The following CD44 variants were observed in gnomAD, a reference collection of about 807,000 sequenced individuals.
CD44 encodes the protein CD44 molecule (IN blood group).
CD44 carries 49 observed loss-of-function variants against 88.8 expected under a neutral mutation model. The ratio of observed to expected loss-of-function variants is 0.55; its 90% CI spans 0.44 to 0.70. The LOEUF (loss-of-function observed/expected upper bound fraction) is 0.70. CD44 is among the 30% of genes least tolerant of loss of function. The pLI is 0.00. For missense variants in CD44, 883 were observed against 913.8 expected (o/e 0.97, Z 0.43); for synonymous variants, 325 against 312.3 (o/e 1.04, Z -0.43).
chr11:35,140,357 G>A (rs771549475), intron 1 of CD44, among the ~76,000 whole-genome samples: 2 of 152,122 alleles, frequency 1.3e-5, no homozygotes, highest in African/African-American at 2.4e-5. Context: ...GCTTATCGCT[G>A]GCCAAAATTA....
intron 9 of CD44, among the ~76,000 whole-genome samples, chr11:35,202,348 G>T (rs1947396498): frequency 1.3e-5 from 2 of 152,210 alleles, no homozygotes; most frequent in East Asian, 3.9e-4. Context: ...CTTGGGGAAG[G>T]CTTTGATGCT....
chr11:35,205,771 A>G (rs1010080913), intron 10 of CD44: 22 of 997,192 alleles, frequency 2.2e-5, no homozygotes, highest in Admixed American at 1.2e-4. Flanking sequence ...GGGCTTTTAT[A>G]CTTCTGCCTT....
At chr11:35,186,472 T>C (rs1326064747) in intron 3 of CD44, among the ~76,000 whole-genome samples, 3 of 152,250 alleles carry the variant, frequency 2.0e-5, no homozygotes, top group African/African-American at 7.2e-5. Flanking sequence ...TAATCACAAA[T>C]TTTAAAAATC....
chr11:35,154,035 G>A (rs1252410318), intron 1 of CD44, among the ~76,000 whole-genome samples: 2 of 152,162 alleles, frequency 1.3e-5, no homozygotes, highest in Non-Finnish European at 2.9e-5. Context: ...AGCTGACTCA[G>A]GATTTTAGAA....
intron 3 of CD44, among the ~76,000 whole-genome samples, chr11:35,185,063 A>G (rs1475742534): frequency 6.6e-6 from 1 of 152,222 alleles, no homozygotes; most frequent in Non-Finnish European, 1.5e-5. Flanking sequence ...GGCAGGTAGC[A>G]GAAGGCAGAG....
intron 5 of CD44, among the ~76,000 whole-genome samples, chr11:35,191,320 A>G (rs1295266069): frequency 6.6e-6 from 1 of 152,236 alleles, no homozygotes; most frequent in Admixed American, 6.5e-5. Flanking sequence ...AGGGCATGAT[A>G]CAAATAGGCT....
intron 4 of CD44, among the ~76,000 whole-genome samples, 180 bp downstream of exon 4, chr11:35,187,080 C>T (rs1212839107): frequency 6.6e-6 from 1 of 151,966 alleles, no homozygotes; most frequent in African/African-American, 2.4e-5. Context: ...TGAGACCAGC[C>T]TGAACAATAT....
At position 35,207,744 on chromosome 11, in the gene CD44, G is replaced by A. The variant is rs1420656442; in HGVS notation, c.1415-361G>A. On this transcript the variant is annotated intron_variant, in intron 11 of 17. Transcript: ENST00000428726. The stretch of plus-strand genomic sequence containing the variant: ...AGGGGATAAAATGGTGCCTGAGCCA[G>A]CACACTTTGTCTTTTCTCCATGTGT... Among the ~76,000 whole-genome samples the A allele has an allele frequency of 2.0e-5, 3 of 152,264 alleles. No homozygotes were observed. The East Asian group carries it at 5.8e-4, about 29-fold the overall frequency.
At chr11:35,154,382 C>T (rs985556196) in intron 1 of CD44, among the ~76,000 whole-genome samples, 2 of 152,168 alleles carry the variant, frequency 1.3e-5, no homozygotes, top group African/African-American at 4.8e-5. Context: ...GGCCTCAGTC[C>T]TTTAGCTCCT....
intron 1 of CD44, among the ~76,000 whole-genome samples, chr11:35,157,669 T>TC (rs1450618198): frequency 1.3e-5 from 2 of 152,188 alleles, no homozygotes; most frequent in African/African-American, 4.8e-5. Flanking sequence ...GCCACCCCAG[T>TC]CCCTGTACCT....
chr11:35,222,960 C>T (rs1949423476), intron 17 of CD44: 1 of 985,224 alleles, frequency 1.0e-6, no homozygotes, highest in African/African-American at 1.7e-5. Context: ...CAACCAACAG[C>T]TAATTCCAAC....
intron 13 of CD44, chr11:35,210,502 C>T (rs987521175): frequency 6.6e-6 from 1 of 152,222 alleles, no homozygotes; most frequent in Non-Finnish European, 1.5e-5. Context: ...TTGATTTCTG[C>T]ATTAATTTCA....
intron 12 of CD44, 76 bp downstream of exon 12, chr11:35,208,282 C>A: frequency 2.0e-6 from 2 of 1,002,554 alleles, no homozygotes; most frequent in Non-Finnish European, 3.2e-6. Context: ...GGCCAAGATG[C>A]AGAGCTTTGG....
At chr11:35,207,749 CTT>C (rs1948013511) in intron 11 of CD44, among the ~76,000 whole-genome samples, 1 of 152,196 alleles carries the variant, frequency 6.6e-6, no homozygotes, top group Non-Finnish European at 1.5e-5. Flanking sequence ...AGCCAGCACA[CTT>C]TGTCTTTTCT....
intron 16 of CD44, among the ~76,000 whole-genome samples, chr11:35,220,718 A>C (rs1949222323): frequency 6.6e-6 from 1 of 152,026 alleles, no homozygotes; most frequent in Non-Finnish European, 1.5e-5. Context: ...AATTATTATC[A>C]ATCTCACCAT....
Position 35,229,155 on chromosome 11 carries a change from T to C in CD44, c.2051T>C (p.Ile684Thr). Residue 684 changes from isoleucine to threonine, a missense_variant, in exon 18 of 18, where the codon ATC (isoleucine) becomes ACC (threonine). By Grantham distance (89) the Ile-to-Thr change is moderately conservative. Around this residue, in one of 2 missense-constraint regions of CD44, gnomAD observed 631 missense variants for 590.9 expected, o/e 1.07. Transcript: ENST00000428726. ...RRCGQKKKLV[I>T]NSGNGAVEDR... ...TGTGGGCAGAAGAAAAAGCTAGTGA[T>C]CAACAGTGGCAATGGAGCTGTGGAG... The C allele has an allele frequency of 6.2e-7, 1 of 1,613,952 alleles. No individual in the cohort carries two copies. The highest frequency in any genetic ancestry group is 8.5e-7 in the Non-Finnish European group (1 of 1,179,910).
intron 17 of CD44, among the ~76,000 whole-genome samples, 166 bp downstream of exon 17, chr11:35,221,898 G>A (rs544894185): frequency 6.6e-6 from 1 of 152,328 alleles, no homozygotes; most frequent in South Asian, 2.1e-4. Context: ...TCCTATGGCA[G>A]AGTCTGCATC....
At chr11:35,227,851 C>G (rs1227030489) in intron 17 of CD44, among the ~76,000 whole-genome samples, 1 of 152,188 alleles carries the variant, frequency 6.6e-6, no homozygotes, top group Admixed American at 6.5e-5. Flanking sequence ...GTCATAAAGG[C>G]CTGGATTTGA....
intron 1 of CD44, among the ~76,000 whole-genome samples, chr11:35,164,335 T>G (rs184506377): frequency 1.4e-4 from 21 of 152,320 alleles, no homozygotes; most frequent in South Asian, 1.0e-3. Flanking sequence ...ACTTGTTGCA[T>G]CTGTGAAATG....
Sources: gnomAD v4.1 joint callset for allele counts (sites outside exome capture counted in the v4.1 genomes callset) on GRCh38, gnomAD v4.1.1 for gene constraint, gnomAD v4.1.1 regional missense constraint, MANE v1.5 for transcripts, NCBI Gene and HGNC (gene_info 2026-07-23, HGNC 2026-07-21) for gene names.